OPCML: variants seen among roughly 807,000 people sequenced by gnomAD.
The protein encoded by OPCML is opioid-binding protein/cell adhesion molecule.
In OPCML, 13 loss-of-function variants were observed where a neutral mutation model predicts 37.8. The observed-to-expected ratio is 0.34, with a 90% CI of 0.22 to 0.55. The LOEUF is 0.55. Ranked by LOEUF, OPCML falls within the 20% of genes least tolerant of loss-of-function variation. OPCML has a pLI of 0.91. For missense variants in OPCML, 341 were observed against 435.6 expected (o/e 0.78, Z 1.93); for synonymous variants, 176 against 168.8 (o/e 1.04, Z -0.33).
intron 4 of OPCML, among the ~76,000 whole-genome samples, chr11:132,468,560 T>C (rs962257396): frequency 6.6e-6 from 1 of 152,212 alleles, no homozygotes; most frequent in Non-Finnish European, 1.5e-5. Flanking sequence ...TTTAAATCAA[T>C]GTTAAAAATC....
At chr11:133,335,412 G>A (rs190802585) in intron 1 of OPCML, among the ~76,000 whole-genome samples, 4 of 152,246 alleles carry the variant, frequency 2.6e-5, no homozygotes, top group East Asian at 1.9e-4. Context: ...AGACAAGGCG[G>A]ACTTCAATTT....
rs116451587 is a variant in OPCML, at chr11:132,930,787, C to T, written c.146+12139G>A. On this transcript the variant is annotated intron_variant, in intron 2 of 7. Transcript: ENST00000524381. ...GTTAATTCAATCCAAAGCAATCTAC[C>T]CATGCCATTGAAATAGAAAAATCAA... Among the ~76,000 whole-genome samples the T allele has an allele frequency of 5.5e-3, 837 of 152,178 alleles. 12 individuals are homozygous for T. The highest frequency in any genetic ancestry group is 0.019 in the African/African-American group (804 of 41,502).
chr11:133,168,773 T>C (rs1183697500), intron 1 of OPCML, among the ~76,000 whole-genome samples: 2 of 152,220 alleles, frequency 1.3e-5, no homozygotes, highest in Non-Finnish European at 2.9e-5. Context: ...GATATTTTTC[T>C]AGGAATTATT....
At chr11:133,353,640 C>CAT (rs1718621493) in intron 1 of OPCML, among the ~76,000 whole-genome samples, 1 of 152,228 alleles carries the variant, frequency 6.6e-6, no homozygotes, top group South Asian at 2.1e-4. Flanking sequence ...AGCTCACTGT[C>CAT]ATCTGCTCTG....
chr11:132,527,575 A>G (rs923401213), intron 4 of OPCML, among the ~76,000 whole-genome samples: 1 of 151,540 alleles, frequency 6.6e-6, no homozygotes, highest in African/African-American at 2.4e-5. Context: ...GTGGAGTGTT[A>G]GAATTGTGTT....
chr11:133,150,954 T>C (rs867523528), intron 1 of OPCML, among the ~76,000 whole-genome samples: 2 of 151,610 alleles, frequency 1.3e-5, no homozygotes, highest in South Asian at 2.1e-4. Context: ...AGAAAGAGAG[T>C]GGCCTCCAAA....
intron 1 of OPCML, among the ~76,000 whole-genome samples, chr11:133,339,895 C>T (rs945018104): frequency 1.3e-4 from 20 of 152,184 alleles, no homozygotes; most frequent in Non-Finnish European, 2.2e-4. Flanking sequence ...TAGTACATGG[C>T]TCCTGAGAAC....
At chr11:132,628,379 G>C (rs1233534780) in intron 3 of OPCML, among the ~76,000 whole-genome samples, 1 of 152,162 alleles carries the variant, frequency 6.6e-6, no homozygotes, top group Non-Finnish European at 1.5e-5. Flanking sequence ...AAAAATTTGA[G>C]AATTGTTTCT....
intron 1 of OPCML, among the ~76,000 whole-genome samples, chr11:133,097,413 AG>A (rs1180244978): frequency 3.9e-4 from 59 of 152,246 alleles, no homozygotes; most frequent in African/African-American, 1.3e-3. Flanking sequence ...GGAGATTTCT[AG>A]AAGAATGATC....
At chr11:132,547,294 G>A (rs2096370883) in intron 3 of OPCML, among the ~76,000 whole-genome samples, 1 of 152,186 alleles carries the variant, frequency 6.6e-6, no homozygotes, top group South Asian at 2.1e-4. Context: ...TGACCTTGAG[G>A]CATAGGCATT....
At chr11:132,547,485 G>C (rs2096371387) in intron 3 of OPCML, among the ~76,000 whole-genome samples, 1 of 151,988 alleles carries the variant, frequency 6.6e-6, no homozygotes, top group Non-Finnish European at 1.5e-5. Context: ...TTTTTAGAAA[G>C]GGTAGAGGCA....
At chr11:133,098,901 T>A (rs12294492) in intron 1 of OPCML, among the ~76,000 whole-genome samples, 1 of 151,980 alleles carries the variant, frequency 6.6e-6, no homozygotes, top group Non-Finnish European at 1.5e-5. Flanking sequence ...GCAGATGACA[T>A]GATCATCTAT....
intron 1 of OPCML, among the ~76,000 whole-genome samples, chr11:133,220,820 C>CT (rs1939785800): frequency 6.6e-6 from 1 of 152,064 alleles, no homozygotes. Context: ...GCTTAACAGC[C>CT]CCCCGATCTA....
chr11:132,914,955 C>A (rs1054864447), intron 2 of OPCML, among the ~76,000 whole-genome samples: 5 of 152,218 alleles, frequency 3.3e-5, no homozygotes, highest in East Asian at 1.9e-4. Context: ...GTTATATAAC[C>A]AATCACATTG....
chr11:133,445,420 C>T (rs1038120280), intron 1 of OPCML, among the ~76,000 whole-genome samples: 20 of 152,298 alleles, frequency 1.3e-4, no homozygotes, highest in Admixed American at 9.2e-4. Context: ...TAATCCCAGA[C>T]CAATTTTCTC....
intron 2 of OPCML, among the ~76,000 whole-genome samples, chr11:132,867,450 A>G (rs2136381289): frequency 6.6e-6 from 1 of 152,360 alleles, no homozygotes; most frequent in Admixed American, 6.5e-5. Flanking sequence ...AGGATGAAAT[A>G]AAATGTTTGT....
At chr11:133,469,230 CATAT>C (rs1162528162) in intron 1 of OPCML, among the ~76,000 whole-genome samples, 3 of 152,214 alleles carry the variant, frequency 2.0e-5, no homozygotes, top group African/African-American at 7.2e-5. Context: ...TGATGGACCA[CATAT>C]ATGATAGTGG....
intron 3 of OPCML, among the ~76,000 whole-genome samples, chr11:132,598,129 G>T (rs1421053441): frequency 6.6e-6 from 1 of 152,078 alleles, no homozygotes; most frequent in African/African-American, 2.4e-5. Context: ...TGTGGGAGGG[G>T]CGTAAGGATA....
At chr11:133,314,326 A>T (rs1054828149) in intron 1 of OPCML, among the ~76,000 whole-genome samples, 2 of 151,702 alleles carry the variant, frequency 1.3e-5, no homozygotes, top group African/African-American at 2.4e-5. Context: ...TAAATTCAAT[A>T]CACTACAGAA....
Sources: allele counts gnomAD v4.1 joint callset (sites outside exome capture counted in the v4.1 genomes callset), GRCh38; gene constraint gnomAD v4.1.1; transcripts MANE v1.5; gene names NCBI Gene and HGNC (gene_info 2026-07-23, HGNC 2026-07-21).